MAML2: variants seen among roughly 807,000 people sequenced by gnomAD.
MAML2 encodes the protein mastermind like transcriptional coactivator 2.
MAML2 carries 22 observed loss-of-function variants against 96.1 expected under a neutral mutation model. That is an observed-to-expected ratio of 0.23 (90% CI 0.16 to 0.33). The LOEUF (loss-of-function observed/expected upper bound fraction) is 0.33. MAML2 is among the 10% of genes least tolerant of loss of function. The pLI is 1.00. For missense variants in MAML2, 1,367 were observed against 1,392.4 expected, an observed-to-expected ratio of 0.98 and a Z score of 0.29; for synonymous variants, 561 against 521.3, an observed-to-expected ratio of 1.08 and a Z score of -1.04.
intron 1 of MAML2, among the ~76,000 whole-genome samples, chr11:96,304,214 C>A (rs1328194984): frequency 1.3e-5 from 2 of 152,084 alleles, no homozygotes; most frequent in African/African-American, 2.4e-5. Context: ...ACTGCTGAGG[C>A]CTGGTTCACT....
At chr11:96,079,010 T>C (rs528787594) in intron 2 of MAML2, among the ~76,000 whole-genome samples, 2 of 152,302 alleles carry the variant, frequency 1.3e-5, no homozygotes, top group East Asian at 3.9e-4. Flanking sequence ...ATTCTGAAAG[T>C]CCTTTAGGCA....
At chr11:96,151,157 G>T (rs925225617) in intron 1 of MAML2, among the ~76,000 whole-genome samples, 3 of 151,984 alleles carry the variant, frequency 2.0e-5, no homozygotes, top group Non-Finnish European at 4.4e-5. Flanking sequence ...CTAGCCTACC[G>T]GGACACTTTC....
chr11:96,199,552 A>G (rs1451581258), intron 1 of MAML2, among the ~76,000 whole-genome samples: 1 of 150,424 alleles, frequency 6.6e-6, no homozygotes, highest in African/African-American at 2.5e-5. Context: ...GCAAGTGATG[A>G]CACAGATGAG....
chr11:96,098,853 T>A (rs569610130), intron 1 of MAML2, among the ~76,000 whole-genome samples: 1 of 152,348 alleles, frequency 6.6e-6, no homozygotes, highest in African/African-American at 2.4e-5. Flanking sequence ...TGCTTCTTTT[T>A]AAGTAGCTAT....
chr11:96,169,922 G>T (rs1861257128), intron 1 of MAML2, among the ~76,000 whole-genome samples: 1 of 152,190 alleles, frequency 6.6e-6, no homozygotes, highest in Non-Finnish European at 1.5e-5. Context: ...CAAAGTATTG[G>T]GATTGCAGGC....
At chr11:96,157,956 G>T (rs1455850291) in intron 1 of MAML2, among the ~76,000 whole-genome samples, 1 of 151,906 alleles carries the variant, frequency 6.6e-6, no homozygotes. Context: ...AAGCTTCAAG[G>T]GGTGGTCTCT....
chr11:96,170,360 T>C (rs1861268163), intron 1 of MAML2, among the ~76,000 whole-genome samples: 1 of 152,254 alleles, frequency 6.6e-6, no homozygotes, highest in Non-Finnish European at 1.5e-5. Context: ...GGCTAATCCA[T>C]GCTTCTCATC....
In MAML2 at chr11:96,298,566, TAAGAG is replaced by T. The variant is rs138737253; in HGVS notation, c.513+42812_513+42816del. On this transcript the variant is annotated intron_variant, in intron 1 of 4. Coordinates refer to ENST00000524717, the MANE Select transcript of MAML2 (RefSeq NM_032427.4). ...CATTTGCTAAGAGTGCTGGGTTATA[TAAGAG>T]AAGATAACCAAGCAAACAAAGAGGT... 9.1e-3 allele frequency among the ~76,000 whole-genome samples: 1,381 copies of T among 152,162 alleles called. 25 individuals carry two copies. The highest frequency in any genetic ancestry group is 0.032 in the African/African-American group (1,319 of 41,502).
At chr11:96,241,941 T>A (rs1862443654) in intron 1 of MAML2, among the ~76,000 whole-genome samples, 2 of 152,204 alleles carry the variant, frequency 1.3e-5, no homozygotes, top group African/African-American at 2.4e-5. Flanking sequence ...TTTTATTCAG[T>A]TCAGGGTTCA....
At chr11:96,189,157 G>A (rs1215680386) in intron 1 of MAML2, among the ~76,000 whole-genome samples, 1 of 151,798 alleles carries the variant, frequency 6.6e-6, no homozygotes, top group Non-Finnish European at 1.5e-5. Context: ...TAATACAAGA[G>A]GTGATTTGCC....
chr11:96,339,962 A>G (rs1863969824), intron 1 of MAML2, among the ~76,000 whole-genome samples: 1 of 152,242 alleles, frequency 6.6e-6, no homozygotes, highest in African/African-American at 2.4e-5. Context: ...ATTCAAGGGT[A>G]AAACTGTAAA....
intron 1 of MAML2, among the ~76,000 whole-genome samples, chr11:96,280,302 A>AT (rs947868063): frequency 2.8e-4 from 43 of 151,644 alleles, no homozygotes; most frequent in African/African-American, 5.1e-4. Flanking sequence ...TTATTTACTC[A>AT]TTTTTTTTTA....
At chr11:96,073,327 T>C (rs200030380) in intron 2 of MAML2, among the ~76,000 whole-genome samples, 51,287 of 139,306 alleles carry the variant, frequency 0.37, 9,057 homozygotes, top group African/African-American at 0.43. Flanking sequence ...TTTTCTTTTT[T>C]TTTTTTTTTT....
chr11:96,334,151 G>A (rs1378241201), intron 1 of MAML2, among the ~76,000 whole-genome samples: 1 of 152,158 alleles, frequency 6.6e-6, no homozygotes, highest in East Asian at 1.9e-4. Flanking sequence ...TGAGGGAACT[G>A]ATAATATGAT....
At chr11:96,037,147 T>A (rs979532830) in intron 2 of MAML2, among the ~76,000 whole-genome samples, 6 of 152,114 alleles carry the variant, frequency 3.9e-5, no homozygotes, top group African/African-American at 1.4e-4. Context: ...AACTTTGGCT[T>A]GTTTTTCTTC....
chr11:96,030,093 C>CATG (rs1858589017), intron 2 of MAML2, among the ~76,000 whole-genome samples: 2 of 151,946 alleles, frequency 1.3e-5, no homozygotes, highest in South Asian at 4.2e-4. Context: ...ATTAGCCGGG[C>CATG]GTGGTAGCGG....
intron 1 of MAML2, among the ~76,000 whole-genome samples, chr11:96,226,872 A>C (rs976723233): frequency 9.9e-5 from 15 of 152,208 alleles, no homozygotes; most frequent in Non-Finnish European, 1.8e-4. Context: ...AAAAACTTTA[A>C]ATTTGTCAGA....
At chr11:96,170,863 C>T (rs865834497) in intron 1 of MAML2, among the ~76,000 whole-genome samples, 9 of 152,088 alleles carry the variant, frequency 5.9e-5, no homozygotes, top group Admixed American at 2.0e-4. Context: ...TACAGGTGAC[C>T]GCCACCACAC....
rs201761808 is a variant in MAML2 at position 96,343,054 on chromosome 11, G to GA, written c.-1160dup. 4.8e-4 allele frequency: 188 copies of GA among 393,402 alleles called. No individual in the cohort carries two copies. Among genetic ancestry groups the GA allele is most frequent in the African/African-American group, 2.4e-3 (118 of 48,376 alleles). 24.4% of individuals were successfully genotyped at this position (393,402 alleles called of 1,614,324 possible). On this transcript the variant is annotated 5_prime_UTR_variant, in exon 1 of 5. Coordinates refer to ENST00000524717, the MANE Select transcript of MAML2 (RefSeq NM_032427.4). ...CTGTATTTGCTCCGCTTTATAGATG[G>GA]AAAAAAAAAGTAGCTTGTATTTTCC...
Sources: allele counts gnomAD v4.1 joint callset (sites outside exome capture counted in the v4.1 genomes callset), GRCh38; gene constraint gnomAD v4.1.1; transcripts MANE v1.5; gene names NCBI Gene and HGNC (gene_info 2026-07-23, HGNC 2026-07-21).